WSCD2: variants seen among roughly 807,000 people sequenced by gnomAD.
The protein encoded by WSCD2 is sialate:O-sulfotransferase 2.
A neutral mutation model predicts 55.7 loss-of-function variants in WSCD2; 28 were observed. The observed-to-expected ratio is 0.50, with a 90% CI of 0.37 to 0.69. The LOEUF (loss-of-function observed/expected upper bound fraction) is 0.69. Ranked by LOEUF, WSCD2 falls within the 30% of genes least tolerant of loss-of-function variation. The probability of loss-of-function intolerance (pLI) is 0.00; values close to 1 mark genes in which losing one functional copy is unlikely to be tolerated. For synonymous variants in WSCD2, 301 were observed against 301.9 expected, an observed-to-expected ratio of 1.00 and a Z score of 0.03; for missense variants, 616 against 762.1, an observed-to-expected ratio of 0.81 and a Z score of 2.26.
chr12:108,196,418 C>T (rs530348884), intron 2 of WSCD2: 1 of 798,444 alleles, frequency 1.3e-6, no homozygotes, highest in South Asian at 2.3e-5. Context: ...TGCCCAAGGT[C>T]ACACAGCTTG....
rs751336688 is a variant in WSCD2 at position 108,240,549 on chromosome 12, A to C, written c.1345+5A>C. 3.8e-6 allele frequency: 5 copies of C among 1,301,882 alleles called. No homozygotes were observed. In the Admixed American group the frequency reaches 8.2e-5, roughly 21 times the overall value. 80.6% of individuals were successfully genotyped at this position (1,301,882 alleles called of 1,614,324 possible). On this transcript the variant is annotated splice_donor_5th_base_variant and intron_variant, in intron 8 of 8. Transcript: ENST00000547525. ...ATGCCCACTGGAAGGGCAAAGGTACAGCTCGGGAGAGGAGGGGAGGGGAGG... is the reference window on the plus strand; with the variant it reads ...ATGCCCACTGGAAGGGCAAAGGTACCGCTCGGGAGAGGAGGGGAGGGGAGG...
chr12:108,222,493 G>A (rs1887640322), intron 4 of WSCD2, among the ~76,000 whole-genome samples: 1 of 152,218 alleles, frequency 6.6e-6, no homozygotes, highest in Non-Finnish European at 1.5e-5. Context: ...TTCAATAAAT[G>A]GGGTCTGTTC....
chr12:108,248,678 GGA>G lies in WSCD2; in HGVS notation c.*338_*339del. 7 of 1,064,274 alleles carry G rather than the reference GGA, an allele frequency of 6.6e-6. No homozygotes were observed. The highest frequency in any genetic ancestry group is 8.0e-6 in the Non-Finnish European group (7 of 877,702). The allele number at this position is 1,064,274 out of a possible 1,614,324, so 65.9% of individuals were successfully genotyped here. ...GGGAGGGAGGGCTCATCCACATCAT[GGA>G]GACTTGCTGGATGCCCCATGGCAAT... On this transcript the variant is annotated 3_prime_UTR_variant, in exon 9 of 9. Coordinates refer to ENST00000547525, the MANE Select transcript of WSCD2 (RefSeq NM_014653.4). This position sits in a 1 kb window ranked among gnomAD's most constrained non-coding sequence, Gnocchi z 4.3.
At chr12:108,179,986 T>A (rs1177400408) in intron 1 of WSCD2, among the ~76,000 whole-genome samples, 2 of 145,858 alleles carry the variant, frequency 1.4e-5, no homozygotes, top group Non-Finnish European at 3.0e-5. Context: ...GAGGTTGCAG[T>A]GAGCTGAGGT....
chr12:108,218,768 A>T (rs1887134847), intron 4 of WSCD2, among the ~76,000 whole-genome samples: 1 of 152,112 alleles, frequency 6.6e-6, no homozygotes, highest in South Asian at 2.1e-4. Context: ...TACGGAGATG[A>T]CTTGTATATG....
chr12:108,139,725 T>C (rs1876589870), intron 1 of WSCD2, among the ~76,000 whole-genome samples: 2 of 152,188 alleles, frequency 1.3e-5, no homozygotes, highest in Non-Finnish European at 2.9e-5. Flanking sequence ...ACCTAGCACA[T>C]AGTAAATGCT....
intron 1 of WSCD2, among the ~76,000 whole-genome samples, chr12:108,180,903 T>C (rs1881641496): frequency 6.6e-6 from 1 of 152,186 alleles, no homozygotes; most frequent in East Asian, 1.9e-4. Flanking sequence ...ACAGTGCAGG[T>C]TGTGAGCCTG....
intron 1 of WSCD2, among the ~76,000 whole-genome samples, chr12:108,164,138 C>CTTTTTTTTTTTTTGTTTTTTTTTTTTTTT: frequency 1.4e-5 from 1 of 71,706 alleles, no homozygotes; most frequent in Non-Finnish European, 2.6e-5. Flanking sequence ...AATCTTAAAT[C>CTTTTTTTTTTTTTGTTTTTTTTTTTTTTT]CTTTTTTTTT....
At position 108,159,018 on chromosome 12, in the gene WSCD2, C is replaced by G. The variant is rs148368216; in HGVS notation, c.-552+29092C>G. Among the ~76,000 whole-genome samples, 21 of 152,316 alleles carry G rather than the reference C, an allele frequency of 1.4e-4. No individual in the cohort carries two copies. The East Asian group carries it at 2.7e-3, about 20-fold the overall frequency. On this transcript the variant is annotated intron_variant, in intron 1 of 8. Coordinates refer to ENST00000547525, the MANE Select transcript of WSCD2 (RefSeq NM_014653.4). ...AGCCAGAGTTCTTCCTGGAAACACA[C>G]ATCTGATGGTTAAAGACCTTCTGTG... is the stretch of plus-strand genomic sequence containing the variant.
At chr12:108,206,188 G>A in intron 2 of WSCD2, 101 bp from the exon 3 acceptor site, 1 of 942,136 alleles carries the variant, frequency 1.1e-6, no homozygotes, top group Non-Finnish European at 1.7e-6. Flanking sequence ...ACATTAAAAG[G>A]TCAACAAGGT....
chr12:108,185,590 T>C (rs918580052), intron 1 of WSCD2, among the ~76,000 whole-genome samples: 2 of 152,182 alleles, frequency 1.3e-5, no homozygotes, highest in African/African-American at 4.8e-5. Flanking sequence ...GACATTGTGA[T>C]GCGCACACAC....
At chr12:108,166,733 T>C (rs1446177018) in intron 1 of WSCD2, among the ~76,000 whole-genome samples, 1 of 70,080 alleles carries the variant, frequency 1.4e-5, no homozygotes, top group Non-Finnish European at 3.5e-5. Flanking sequence ...TTTCTCTTTC[T>C]TTCTTTCTTT....
intron 1 of WSCD2, among the ~76,000 whole-genome samples, chr12:108,175,675 C>T (rs1037572668): frequency 1.3e-5 from 2 of 152,186 alleles, no homozygotes; most frequent in South Asian, 2.1e-4. Context: ...TGGGAGCCAT[C>T]CCTGCCCCAG....
chr12:108,233,298 T>C (rs1236614868), intron 7 of WSCD2, among the ~76,000 whole-genome samples: 3 of 152,222 alleles, frequency 2.0e-5, no homozygotes, highest in Non-Finnish European at 2.9e-5. Context: ...GGACATTTAT[T>C]GAGCACCTAC....
intron 8 of WSCD2, among the ~76,000 whole-genome samples, chr12:108,240,938 TACAA>T (rs1243670113): frequency 1.3e-5 from 2 of 152,216 alleles, no homozygotes; most frequent in Non-Finnish European, 2.9e-5. Flanking sequence ...TTAAGAATTT[TACAA>T]ACACTCAGTA....
chr12:108,140,530 C>A (rs1876683358), intron 1 of WSCD2, among the ~76,000 whole-genome samples: 1 of 152,182 alleles, frequency 6.6e-6, no homozygotes, highest in African/African-American at 2.4e-5. Context: ...TGATTTTGGG[C>A]ACTGGCTGAT....
intron 7 of WSCD2, among the ~76,000 whole-genome samples, chr12:108,235,659 A>G (rs1889196231): frequency 1.3e-5 from 2 of 152,256 alleles, no homozygotes; most frequent in Admixed American, 1.3e-4. Flanking sequence ...AAAAAAGAAA[A>G]CATAACCCCC....
At chr12:108,201,627 G>A (rs1884691120) in intron 2 of WSCD2, among the ~76,000 whole-genome samples, 1 of 151,988 alleles carries the variant, frequency 6.6e-6, no homozygotes, top group Admixed American at 6.6e-5. Context: ...AATATTTGAG[G>A]CTACTGCAGC....
At chr12:108,237,915 C>T (rs912676292) in intron 7 of WSCD2, among the ~76,000 whole-genome samples, 1 of 152,208 alleles carries the variant, frequency 6.6e-6, no homozygotes, top group Non-Finnish European at 1.5e-5. Context: ...AATAGTTTGA[C>T]CATCCTTCCA....
Sources: allele counts gnomAD v4.1 joint callset (sites outside exome capture counted in the v4.1 genomes callset), GRCh38; gene constraint gnomAD v4.1.1; non-coding constraint Gnocchi (gnomAD v3.1); transcripts MANE v1.5; gene names NCBI Gene and HGNC (gene_info 2026-07-23, HGNC 2026-07-21).